The following RBM41 variants were observed in gnomAD, a reference collection of about 807,000 sequenced individuals.
RBM41 encodes RNA-binding protein 41.
Under a neutral mutation model 30.8 loss-of-function variants are expected in RBM41, and 14 were observed. The observed-to-expected ratio is 0.45, with a 90% confidence interval of 0.30 to 0.71. The LOEUF is 0.71. Among genes scored for constraint, RBM41 ranks in the 30% least tolerant of loss-of-function variants. RBM41 has a pLI of 0.08. For missense variants in RBM41, 276 were observed against 326.3 expected, an observed-to-expected ratio of 0.85 and a Z score of 1.19; for synonymous variants, 120 against 110.1, an observed-to-expected ratio of 1.09 and a Z score of -0.56.
intron 5 of RBM41, among the ~76,000 whole-genome samples, chrX:107,089,325 T>C (rs1389874526): frequency 1.8e-5 from 2 of 111,842 alleles, no homozygotes; most frequent in African/African-American, 6.5e-5. Context: ...ATTTTCTCAC[T>C]CATCCATTGA....
At chrX:107,111,358 T>C (rs936894041) in intron 5 of RBM41, among the ~76,000 whole-genome samples, 3 of 111,195 alleles carry the variant, frequency 2.7e-5, no homozygotes, top group Non-Finnish European at 3.8e-5. Flanking sequence ...TCATACCCAT[T>C]AGGACGGCTA....
chrX:107,068,428 T>G (rs1935921736), intron 7 of RBM41, among the ~76,000 whole-genome samples: 1 of 112,020 alleles, frequency 8.9e-6, no homozygotes, highest in Admixed American at 9.5e-5. Flanking sequence ...AGCCTTTTTA[T>G]TATGTATTTT....
intron 5 of RBM41, among the ~76,000 whole-genome samples, chrX:107,096,741 T>C (rs1246628282): frequency 8.9e-6 from 1 of 111,807 alleles, no homozygotes; most frequent in Admixed American, 9.5e-5. Flanking sequence ...TGAATTGAAC[T>C]TCATTAAAAT....
chrX:107,108,684 A>T (rs942467795), intron 5 of RBM41, among the ~76,000 whole-genome samples: 2 of 112,270 alleles, frequency 1.8e-5, no homozygotes, highest in African/African-American at 6.5e-5. Context: ...AATGTAACTT[A>T]AACAGTGAGG....
chrX:107,117,344 A>G (rs1309643170), intron 1 of RBM41, among the ~76,000 whole-genome samples: 1 of 112,261 alleles, frequency 8.9e-6, no homozygotes, highest in African/African-American at 3.2e-5. Flanking sequence ...TGTGGTTATA[A>G]TATGCCATAG....
At position 107,115,153 on chromosome X, in the gene RBM41, T is replaced by C. The variant is rs751170855; in HGVS notation, c.523+199A>G. ...GCACTACCTCAGCATTTTATTCAAA[T>C]CTCTATAATAGCAGTTTCCATGTTG... On this transcript the variant is annotated intron_variant, in intron 4 of 7. Transcript: ENST00000685964. The C allele has an allele frequency of 6.1e-5, 27 of 440,844 alleles. No individual in the cohort carries two copies. In the South Asian group the frequency reaches 1.0e-3, roughly 17 times the overall value. The allele number at this position is 440,844 out of a possible 1,213,427, so 36.3% of individuals were successfully genotyped here.
the RBM41 span, among the ~76,000 whole-genome samples, chrX:107,054,907 G>A: frequency 8.9e-6 from 1 of 111,798 alleles, no homozygotes; most frequent in African/African-American, 3.3e-5. Context: ...TGGACATTAA[G>A]TACATTCACA....
chrX:107,085,784 T>C (rs767952353), intron 6 of RBM41, among the ~76,000 whole-genome samples: 12 of 111,773 alleles, frequency 1.1e-4, no homozygotes, highest in African/African-American at 3.9e-4. Context: ...ATTTTTCTTA[T>C]TGATTTGTAG....
chrX:107,090,785 T>C (rs1034341832), intron 5 of RBM41, among the ~76,000 whole-genome samples: 1 of 111,420 alleles, frequency 9.0e-6, no homozygotes, highest in Non-Finnish European at 1.9e-5. Flanking sequence ...TTTTATTTTA[T>C]TTTATTTATT....
At chrX:107,053,021 G>A in the RBM41 span, among the ~76,000 whole-genome samples, 1 of 112,138 alleles carries the variant, frequency 8.9e-6, no homozygotes, top group Non-Finnish European at 1.9e-5. Context: ...AGGGAGTTAA[G>A]TTGATCTTGC....
At chrX:107,100,973 T>C (rs1923405276) in intron 5 of RBM41, among the ~76,000 whole-genome samples, 1 of 112,088 alleles carries the variant, frequency 8.9e-6, no homozygotes, top group South Asian at 3.7e-4. Flanking sequence ...ATCTCAAATA[T>C]AATTGCCAGA....
downstream of RBM41, among the ~76,000 whole-genome samples, chrX:107,057,845 C>T (rs1602530215): frequency 1.8e-5 from 2 of 111,870 alleles, no homozygotes; most frequent in Middle Eastern, 9.2e-3. Context: ...TCAGACTATA[C>T]AAGGAACTCA....
intron 6 of RBM41, among the ~76,000 whole-genome samples, chrX:107,087,986 G>C (rs1280878667): frequency 1.8e-5 from 2 of 112,053 alleles, no homozygotes; most frequent in Non-Finnish European, 3.8e-5. Flanking sequence ...TCATATGACA[G>C]CCAGGTAGAG....
chrX:107,080,625 A>T, intron 6 of RBM41, among the ~76,000 whole-genome samples: 1 of 111,743 alleles, frequency 8.9e-6, no homozygotes, highest in East Asian at 2.8e-4. Context: ...ACAAAACTGC[A>T]CTTGTATCTT....
At chrX:107,060,830 G>A (rs746140780), downstream of RBM41, among the ~76,000 whole-genome samples, 6 of 111,190 alleles carry the variant, frequency 5.4e-5, no homozygotes, top group Non-Finnish European at 1.1e-4. Context: ...GAGGAAAACT[G>A]TAACTTTACA....
chrX:107,068,601 G>A (rs1487665960), intron 7 of RBM41, among the ~76,000 whole-genome samples: 1 of 110,961 alleles, frequency 9.0e-6, no homozygotes, highest in Non-Finnish European at 1.9e-5. Context: ...CAATGGAGGG[G>A]AGTTTGGCAG....
intron 1 of RBM41, among the ~76,000 whole-genome samples, chrX:107,117,144 G>C (rs1414003896): frequency 8.9e-6 from 1 of 112,118 alleles, no homozygotes; most frequent in Admixed American, 9.4e-5. Flanking sequence ...AGAAAATTGG[G>C]AGATAAAGGT....
At chrX:107,104,159 T>G in intron 5 of RBM41, among the ~76,000 whole-genome samples, 1 of 110,826 alleles carries the variant, frequency 9.0e-6, no homozygotes, top group Non-Finnish European at 1.9e-5. Flanking sequence ...CGGTCAAAAG[T>G]CAGCAAATGA....
At chrX:107,077,434 A>G (rs888375984) in intron 6 of RBM41, among the ~76,000 whole-genome samples, 7 of 111,121 alleles carry the variant, frequency 6.3e-5, no homozygotes, top group Non-Finnish European at 1.1e-4. Context: ...CACCTGGCCA[A>G]TATGAATAAT....
Sources: allele counts gnomAD v4.1 joint callset (sites outside exome capture counted in the v4.1 genomes callset), GRCh38; gene constraint gnomAD v4.1.1; transcripts MANE v1.5; gene names NCBI Gene and HGNC (gene_info 2026-07-23, HGNC 2026-07-21).